Variants in PACRG observed in about 807,000 individuals in gnomAD.
PACRG encodes parkin coregulated gene protein.
In PACRG, 29 loss-of-function variants were observed where a neutral mutation model predicts 29.7. The observed-to-expected ratio is 0.98, with a 90% CI of 0.73 to 1.33. The LOEUF is 1.33. PACRG is among the 40% of genes most tolerant of loss of function. The pLI is 0.00. For missense variants in PACRG, 279 were observed against 316.2 expected (o/e 0.88, Z 0.89); for synonymous variants, 116 against 118.7 (o/e 0.98, Z 0.15).
chr6:163,284,727 C>T (rs1022402592), intron 4 of PACRG, among the ~76,000 whole-genome samples: 43 of 152,210 alleles, frequency 2.8e-4, no homozygotes, highest in African/African-American at 9.4e-4. Context: ...CTTCTGATGC[C>T]TCTCAGGGAC....
intron 4 of PACRG, among the ~76,000 whole-genome samples, chr6:163,166,797 T>G (rs1778833399): frequency 6.6e-6 from 1 of 152,222 alleles, no homozygotes; most frequent in African/African-American, 2.4e-5. Flanking sequence ...GTCTACTTAT[T>G]ACTATATAGT....
intron 2 of PACRG, among the ~76,000 whole-genome samples, chr6:162,836,644 G>T (rs767607747): frequency 1.3e-5 from 2 of 151,988 alleles, no homozygotes; most frequent in African/African-American, 4.8e-5. Flanking sequence ...CATTTCCCTC[G>T]ATTTGATTAT....
At chr6:162,956,309 G>T (rs1212791949) in intron 2 of PACRG, among the ~76,000 whole-genome samples, 1 of 152,138 alleles carries the variant, frequency 6.6e-6, no homozygotes. Flanking sequence ...TTGTCAGCAG[G>T]TTTTGCTGTT....
chr6:162,996,168 G>C (rs1249164500), intron 2 of PACRG, among the ~76,000 whole-genome samples: 1 of 152,088 alleles, frequency 6.6e-6, no homozygotes, highest in Non-Finnish European at 1.5e-5. Flanking sequence ...CACATGCACA[G>C]AGATAATTAT....
chr6:163,213,979 A>G (rs564248494), intron 4 of PACRG, among the ~76,000 whole-genome samples: 9 of 152,302 alleles, frequency 5.9e-5, no homozygotes, highest in African/African-American at 2.2e-4. Context: ...AACACAACCT[A>G]TATCACAATC....
At chr6:163,150,087 CG>C (rs1448249574) in intron 4 of PACRG, among the ~76,000 whole-genome samples, 5 of 152,188 alleles carry the variant, frequency 3.3e-5, no homozygotes, top group Non-Finnish European at 5.9e-5. Flanking sequence ...GCCCTCAACC[CG>C]CAAACCGGCG....
chr6:163,111,858 C>T (rs1815732213), intron 4 of PACRG, among the ~76,000 whole-genome samples: 2 of 152,142 alleles, frequency 1.3e-5, no homozygotes, highest in South Asian at 2.1e-4. Flanking sequence ...TAAACATGCT[C>T]CTGGCACATA....
intron 2 of PACRG, among the ~76,000 whole-genome samples, chr6:162,911,812 C>A (rs1584736083): frequency 1.3e-5 from 2 of 152,120 alleles, no homozygotes; most frequent in South Asian, 2.1e-4. Flanking sequence ...GGCAGCTGAG[C>A]TTTGGACACT....
intron 2 of PACRG, among the ~76,000 whole-genome samples, chr6:162,900,033 C>T (rs1224211433): frequency 6.6e-6 from 1 of 151,922 alleles, no homozygotes; most frequent in Admixed American, 6.6e-5. Context: ...TGGGGAAGGG[C>T]GGGGGAGAGA....
At chr6:163,220,304 A>G (rs898229425) in intron 4 of PACRG, among the ~76,000 whole-genome samples, 1 of 152,088 alleles carries the variant, frequency 6.6e-6, no homozygotes, top group Admixed American at 6.5e-5. Context: ...TTTTCCATAC[A>G]TTGTCTAATT....
intron 1 of PACRG, among the ~76,000 whole-genome samples, chr6:162,770,888 A>G (rs1484952297): frequency 3.3e-5 from 5 of 152,134 alleles, no homozygotes; most frequent in Admixed American, 2.6e-4. Context: ...TTTTATATTG[A>G]TTAGGTTTGA....
chr6:163,191,762 C>G lies in PACRG; in HGVS notation c.613+102354C>G. ...ACTCAGAGCCATGACGTCCCTCTGC[C>G]CCCAGGTTGTCCAGGATCCTCTCAT... is the stretch of plus-strand genomic sequence containing the variant. On this transcript the variant is annotated intron_variant, in intron 4 of 4. Coordinates refer to ENST00000366888, the MANE Select transcript of PACRG (RefSeq NM_001080379.2). The G allele has an allele frequency of 4.4e-6, 2 of 456,378 alleles. 1 individual carries two copies. Among genetic ancestry groups the G allele is most frequent in the South Asian group, 3.1e-5 (2 of 64,562 alleles). The allele number at this position is 456,378 out of a possible 1,614,324, so 28.3% of individuals were successfully genotyped here.
chr6:162,902,811 G>T (rs1436942042), intron 2 of PACRG, among the ~76,000 whole-genome samples: 1 of 152,094 alleles, frequency 6.6e-6, no homozygotes, highest in Admixed American at 6.6e-5. Context: ...TCCCAAAAAG[G>T]AAATAAAGTA....
intron 2 of PACRG, among the ~76,000 whole-genome samples, chr6:162,820,518 G>C (rs970972319): frequency 6.6e-6 from 1 of 152,138 alleles, no homozygotes; most frequent in Non-Finnish European, 1.5e-5. Context: ...GCATTTTAAA[G>C]TAAATCACAC....
chr6:163,129,307 G>A (rs955660545), intron 4 of PACRG, among the ~76,000 whole-genome samples: 1 of 152,232 alleles, frequency 6.6e-6, no homozygotes, highest in African/African-American at 2.4e-5. Flanking sequence ...ATTTAGTCCC[G>A]TCACAGGACA....
chr6:163,114,772 G>C (rs571078864), intron 4 of PACRG, among the ~76,000 whole-genome samples: 2 of 151,566 alleles, frequency 1.3e-5, no homozygotes, highest in South Asian at 2.1e-4. Flanking sequence ...ATTCTGGAGA[G>C]CTAATGTACA....
chr6:163,180,622 C>CT (rs1779608255), intron 4 of PACRG, among the ~76,000 whole-genome samples: 1 of 151,510 alleles, frequency 6.6e-6, no homozygotes, highest in Admixed American at 6.6e-5. Context: ...GATACTCTGT[C>CT]TCAAAAAAAA....
chr6:162,974,638 C>T (rs944435767), intron 2 of PACRG, among the ~76,000 whole-genome samples: 2 of 152,134 alleles, frequency 1.3e-5, no homozygotes, highest in Admixed American at 6.6e-5. Flanking sequence ...TTCCTGTTTC[C>T]TATTGACATG....
chr6:162,953,220 G>A (rs935894625), intron 2 of PACRG, among the ~76,000 whole-genome samples: 3 of 152,140 alleles, frequency 2.0e-5, no homozygotes, highest in Admixed American at 6.5e-5. Context: ...CTGTAGTCAC[G>A]GTAGTTAAGG....
Sources: allele counts gnomAD v4.1 joint callset (sites outside exome capture counted in the v4.1 genomes callset), GRCh38; gene constraint gnomAD v4.1.1; transcripts MANE v1.5; gene names NCBI Gene and HGNC (gene_info 2026-07-23, HGNC 2026-07-21).